Variants in HSPA12B observed in about 807,000 individuals in gnomAD.
HSPA12B encodes the protein heat shock protein family A (Hsp70) member 12B, also known as heat shock 70 kDa protein 12B.
Under a neutral mutation model 69.3 loss-of-function variants are expected in HSPA12B, and 54 were observed. The ratio of observed to expected loss-of-function variants is 0.78; its 90% CI spans 0.63 to 0.98. HSPA12B has a LOEUF of 0.98. Ranked by LOEUF, HSPA12B falls within the 50% of genes least tolerant of loss-of-function variation. The pLI, the probability that HSPA12B is intolerant of heterozygous loss-of-function variation, is 0.00. For synonymous variants in HSPA12B, 441 were observed against 436.5 expected, an observed-to-expected ratio of 1.01 and a Z score of -0.13; for missense variants, 929 against 999.8, an observed-to-expected ratio of 0.93 and a Z score of 0.96.
chr20:3,741,157 C>G (rs986099944), intron 3 of HSPA12B, among the ~76,000 whole-genome samples: 3 of 152,096 alleles, frequency 2.0e-5, no homozygotes, highest in Admixed American at 6.5e-5. Flanking sequence ...CCAACCCCCC[C>G]ACACAGGAGG....
Position 3,745,727 on chromosome 20 carries a change from C to G in HSPA12B, c.558+130C>G. ...CGCCGGAGCTCAGAGGTCATCTTCTCCAGTACCCTCCTCCCTTTTTGTCTG... is the reference window on the plus strand; with the variant it reads ...CGCCGGAGCTCAGAGGTCATCTTCTGCAGTACCCTCCTCCCTTTTTGTCTG... On this transcript the variant is annotated intron_variant, in intron 6 of 12. Coordinates refer to ENST00000254963, the MANE Select transcript of HSPA12B (RefSeq NM_052970.5). The surrounding 1 kb of genome is among the most constrained non-coding windows in gnomAD (Gnocchi z 5.6). The G allele has an allele frequency of 1.1e-6, 1 of 925,360 alleles. No individual in the cohort carries two copies. The highest frequency in any genetic ancestry group is 1.9e-5 in the Admixed American group (1 of 53,202). 57.3% of individuals were successfully genotyped at this position (925,360 alleles called of 1,614,324 possible).
At position 3,752,043 on chromosome 20, in the gene HSPA12B, G is replaced by A. The variant is rs939965908; in HGVS notation, c.1938G>A (p.Ala646=). The change falls in exon 13 of 13, where the codon GCG becomes GCA. Residue 646 remains alanine (A), a synonymous_variant. Transcript: ENST00000254963. ...PADCGQDTAG[A]PPGRREIRAA... ...ACTGCGGCCAGGACACCGCCGGCGCGCCTCCCGGCCGCCGCGAGATCCGCG... is the reference window on the plus strand; with the variant it reads ...ACTGCGGCCAGGACACCGCCGGCGCACCTCCCGGCCGCCGCGAGATCCGCG... 3 of 1,549,696 alleles carry A rather than the reference G, an allele frequency of 1.9e-6. No homozygotes were observed. The highest frequency in any genetic ancestry group is 2.6e-6 in the Non-Finnish European group (3 of 1,154,326).
At chr20:3,735,619 C>T (rs915688017) in intron 1 of HSPA12B, among the ~76,000 whole-genome samples, 5 of 152,098 alleles carry the variant, frequency 3.3e-5, no homozygotes, top group Non-Finnish European at 5.9e-5. Flanking sequence ...GCGTCTGCCA[C>T]TACGCTTGGC....
intron 2 of HSPA12B, 88 bp downstream of exon 2, chr20:3,738,805 C>T: frequency 7.3e-7 from 1 of 1,370,326 alleles, no homozygotes; most frequent in Non-Finnish European, 1.0e-6. Flanking sequence ...CAATGTACCT[C>T]TCCCACAGAG....
Position 3,743,894 on chromosome 20 carries a change from TAATAA to T in HSPA12B, c.267-1005_267-1001del, listed in dbSNP as rs1308269290. On this transcript the variant is annotated intron_variant, in intron 4 of 12. Transcript: ENST00000254963. Reference sequence around the variant, plus strand: ...TTTTAGTAAAAAGGAAAAGAAAAAATAATAAAACAAGAAATAAAAATAAAAACAAG... The same window carrying T: ...TTTTAGTAAAAAGGAAAAGAAAAAATAACAAGAAATAAAAATAAAAACAAG... Among the ~76,000 whole-genome samples, 10 of 151,846 alleles carry T rather than the reference TAATAA, an allele frequency of 6.6e-5. No homozygotes were observed. In the South Asian group the frequency reaches 2.1e-3, roughly 32 times the overall value.
In HSPA12B at chr20:3,749,555, A is replaced by C. The variant is rs558663438; in HGVS notation, c.938-195A>C. On this transcript the variant is annotated intron_variant, in intron 9 of 12. Coordinates refer to ENST00000254963, the MANE Select transcript of HSPA12B (RefSeq NM_052970.5). This position sits in a 1 kb window ranked among gnomAD's most constrained non-coding sequence, Gnocchi z 5.5. Reference sequence around the variant, plus strand: ...GTGGAGTTGCAGAGCCTCTGGAACCATTTCTGCCCCACACCCTGCGCCCAT... The same window carrying C: ...GTGGAGTTGCAGAGCCTCTGGAACCCTTTCTGCCCCACACCCTGCGCCCAT... Among the ~76,000 whole-genome samples the C allele has an allele frequency of 2.0e-5, 3 of 152,024 alleles. No homozygotes were observed. The highest frequency in any genetic ancestry group is 2.0e-4 in the Admixed American group (3 of 15,282).
Position 3,744,995 on chromosome 20 carries a change from C to T in HSPA12B, c.360C>T (p.Tyr120=). Residue 120 remains tyrosine, a synonymous_variant, in exon 5 of 13, where the codon TAC becomes TAT. Coordinates refer to ENST00000254963, the MANE Select transcript of HSPA12B (RefSeq NM_052970.5). This position sits in a 1 kb window ranked among gnomAD's most constrained non-coding sequence, Gnocchi z 4.9. ...TPEGAFHSFG[Y]TARDYYHDLD... Reference sequence around the variant, plus strand: ...AGGGCGCCTTCCACAGCTTTGGCTACACCGCCCGCGATTACTACCATGACC... The same window carrying T: ...AGGGCGCCTTCCACAGCTTTGGCTATACCGCCCGCGATTACTACCATGACC... 1 of 1,614,052 alleles carries T rather than the reference C, an allele frequency of 6.2e-7. No individual in the cohort carries two copies. Among genetic ancestry groups the T allele is most frequent in the Non-Finnish European group, 8.5e-7 (1 of 1,180,032 alleles).
chr20:3,749,423 CGCT>C lies in HSPA12B; in HGVS notation c.937+107_937+109del. The C allele has an allele frequency of 9.2e-7, 1 of 1,081,526 alleles. No homozygotes were observed. The highest frequency in any genetic ancestry group is 2.6e-5 in the East Asian group (1 of 38,364). 67.0% of individuals were successfully genotyped at this position (1,081,526 alleles called of 1,614,324 possible). On this transcript the variant is annotated intron_variant, in intron 9 of 12. Transcript: ENST00000254963. The surrounding 1 kb of genome is among the most constrained non-coding windows in gnomAD (Gnocchi z 5.5). ...AAAGCCCGTCTCTTCCTCCTCCATT[CGCT>C]GTACCCAACCTGGCCGTCCCCTCAC...
intron 12 of HSPA12B, chr20:3,751,183 A>T: frequency 1.1e-6 from 1 of 910,472 alleles, no homozygotes; most frequent in Non-Finnish European, 1.3e-6. Context: ...CACAGGGATA[A>T]AATGAGCTGA....
rs1223145861 is a variant in HSPA12B at position 3,740,949 on chromosome 20, G to C, written c.141+37G>C. On this transcript the variant is annotated intron_variant, in intron 3 of 12. Coordinates refer to ENST00000254963, the MANE Select transcript of HSPA12B (RefSeq NM_052970.5). The surrounding 1 kb of genome is among the most constrained non-coding windows in gnomAD (Gnocchi z 4.9). ...GCAGGGACCAGGTGGTGGGTGACCT[G>C]GCTGGTGTGGACAGGGTCGTGCGTG... 1 of 1,569,978 alleles carries C rather than the reference G, an allele frequency of 6.4e-7. No individual in the cohort carries two copies. The highest frequency in any genetic ancestry group is 1.7e-5 in the Admixed American group (1 of 57,846).
rs781167900 is a variant in HSPA12B at position 3,742,349 on chromosome 20, C to T, written c.207C>T (p.Thr69=). 16 of 1,614,054 alleles carry T rather than the reference C, an allele frequency of 9.9e-6. No homozygotes were observed. The highest frequency in any genetic ancestry group is 1.4e-5 in the Non-Finnish European group (16 of 1,180,000). The change falls in exon 4 of 13, where the codon ACC becomes ACT. Residue 69 remains threonine (T), a synonymous_variant. Transcript: ENST00000254963. ...FSVVVAIDFG[T]TSSGYAFSFA... ...TGGTGGTGGCCATTGACTTCGGCAC[C>T]ACGTCTAGTGGCTATGCTTTCAGCT...
intron 7 of HSPA12B, among the ~76,000 whole-genome samples, chr20:3,747,359 T>C (rs1353182505): frequency 1.3e-5 from 2 of 152,106 alleles, no homozygotes; most frequent in African/African-American, 2.4e-5. Flanking sequence ...ACAGTGGACA[T>C]CCCTGTGCAA....
Position 3,749,736 on chromosome 20 carries a change from G to A in HSPA12B, c.938-14G>A, listed in dbSNP as rs752789517. On this transcript the variant is annotated splice_polypyrimidine_tract_variant and intron_variant, in intron 9 of 12. Transcript: ENST00000254963. This position sits in a 1 kb window ranked among gnomAD's most constrained non-coding sequence, Gnocchi z 5.5. ...AGGCCGCCCACGAGTGTGTGCCCGCGCTCGCCGCCGCAGGAGACCGCTACG... is the reference window on the plus strand; with the variant it reads ...AGGCCGCCCACGAGTGTGTGCCCGCACTCGCCGCCGCAGGAGACCGCTACG... 2.6e-6 allele frequency: 4 copies of A among 1,560,102 alleles called. No homozygotes were observed. Among genetic ancestry groups the A allele is most frequent in the Non-Finnish European group, 3.5e-6 (4 of 1,156,068 alleles).
intron 12 of HSPA12B, chr20:3,751,193 A>C (rs1335420775): frequency 3.2e-6 from 3 of 933,036 alleles, no homozygotes; most frequent in African/African-American, 1.8e-5. Context: ...AAATGAGCTG[A>C]AGTACCTAGA....
chr20:3,749,255 C>T lies in HSPA12B; in HGVS notation c.874C>T (p.Arg292Cys), dbSNP rs2146586869. The T allele has an allele frequency of 1.2e-6, 2 of 1,613,576 alleles. No homozygotes were observed. Among genetic ancestry groups the T allele is most frequent in the Non-Finnish European group, 8.5e-7 (1 of 1,179,828 alleles). ...RQAREQLRRS[R>C]HSRTFLVESG... The stretch of plus-strand genomic sequence containing the variant: ...AGCTCGGGAGCAGCTGCGAAGGTCC[C>T]GCCACAGCCGCACGTTCCTGGTGGA... Residue 292 changes from arginine (R) to cysteine (C), a missense_variant, in exon 9 of 13, where the codon CGC becomes TGC. Physicochemically the swap from Arg to Cys is radical, Grantham distance 180. Around this residue, in one of 3 missense-constraint regions of HSPA12B, gnomAD observed 477 missense variants for 535.2 expected, o/e 0.89. Coordinates refer to ENST00000254963, the MANE Select transcript of HSPA12B (RefSeq NM_052970.5). The surrounding 1 kb of genome is among the most constrained non-coding windows in gnomAD (Gnocchi z 5.5).
intron 7 of HSPA12B, among the ~76,000 whole-genome samples, chr20:3,746,805 G>A (rs1017056746): frequency 1.3e-5 from 2 of 152,144 alleles, no homozygotes; most frequent in African/African-American, 2.4e-5. Context: ...TTGCACATCC[G>A]TATCGGTCTG....
chr20:3,753,023 T>G lies in HSPA12B; in HGVS notation c.*857T>G, dbSNP rs2088455877. 6.5e-6 allele frequency: 1 copy of G among 153,248 alleles called. No homozygotes were observed. Among genetic ancestry groups the G allele is most frequent in the Non-Finnish European group, 1.5e-5 (1 of 68,042 alleles). The allele number at this position is 153,248 out of a possible 1,614,324, so 9.5% of individuals were successfully genotyped here. A position where few individuals can be genotyped will look rare whatever the true frequency, so the allele number is the denominator to read the frequency against. On this transcript the variant is annotated 3_prime_UTR_variant, in exon 13 of 13. Transcript: ENST00000254963. ...GGCCTCAGTTTCCTAAAGTGTGAAA[T>G]GTCAGGCACTTCCCTCTAACTGGCA...
rs1302093724 is a variant in HSPA12B at position 3,752,108 on chromosome 20, C to T, written c.2003C>T (p.Ala668Val). The change falls in exon 13 of 13, where the codon GCC becomes GTC. Residue 668 changes from alanine (A) to valine (V), a missense_variant. Ala to Val is a moderately conservative substitution (Grantham distance 64). Around this residue, in one of 3 missense-constraint regions of HSPA12B, gnomAD observed 448 missense variants for 448.1 expected, o/e 1.00. Transcript: ENST00000254963. ...QFGDTEIKVT[A>V]VDVSTNRSVR... ...GGCGACACCGAAATTAAGGTCACCG[C>T]CGTCGACGTCAGCACCAATCGCTCC... 5.3e-6 allele frequency: 8 copies of T among 1,507,260 alleles called. No homozygotes were observed. The highest frequency in any genetic ancestry group is 4.3e-5 in the Admixed American group (2 of 46,362). 93.4% of individuals were successfully genotyped at this position (1,507,260 alleles called of 1,614,324 possible).
intron 7 of HSPA12B, 81 bp from the exon 8 acceptor site, chr20:3,748,136 C>G: frequency 7.9e-7 from 1 of 1,261,956 alleles, no homozygotes; most frequent in African/African-American, 1.5e-5. Context: ...GCCCCACAGG[C>G]CGCGGTTCCC....
Sources: gnomAD v4.1 joint callset for allele counts (sites outside exome capture counted in the v4.1 genomes callset) on GRCh38, gnomAD v4.1.1 for gene constraint, gnomAD v4.1.1 regional missense constraint, Gnocchi (gnomAD v3.1) non-coding constraint, MANE v1.5 for transcripts, NCBI Gene and HGNC (gene_info 2026-07-23, HGNC 2026-07-21) for gene names.